Variants in TET3 observed in about 807,000 individuals in gnomAD.
The protein encoded by TET3 is tet methylcytosine dioxygenase 3.
Under a neutral mutation model 141.4 loss-of-function variants are expected in TET3, and 19 were observed. The ratio of observed to expected loss-of-function variants is 0.13; its 90% confidence interval spans 0.09 to 0.20. The LOEUF (loss-of-function observed/expected upper bound fraction) is 0.20, where lower values mean the gene tolerates loss of function less well. TET3 is among the 10% of genes least tolerant of loss of function. The pLI is 1.00. For missense variants in TET3, 1,874 were observed against 2,356.9 expected (o/e 0.80, Z 4.24); for synonymous variants, 1,043 against 980.9 (o/e 1.06, Z -1.18).
At chr2:74,027,943 T>A (rs1352569746) in intron 3 of TET3, among the ~76,000 whole-genome samples, 1 of 152,176 alleles carries the variant, frequency 6.6e-6, no homozygotes, top group Non-Finnish European at 1.5e-5. Flanking sequence ...TATATGTATA[T>A]ATGTATATGA....
chr2:74,098,739 G>T (rs571617709), intron 10 of TET3, among the ~76,000 whole-genome samples: 6 of 152,014 alleles, frequency 3.9e-5, no homozygotes, highest in African/African-American at 1.2e-4. Context: ...GATTACAGGC[G>T]CATGCCACCA....
chr2:74,108,692 G>A (rs1459226936), downstream of TET3, among the ~76,000 whole-genome samples: 1 of 152,214 alleles, frequency 6.6e-6, no homozygotes, highest in Non-Finnish European at 1.5e-5. Flanking sequence ...AATTCTGGAG[G>A]TGGCTGTTCT....
chr2:74,128,604 G>A, the TET3 span, among the ~76,000 whole-genome samples: 1 of 151,868 alleles, frequency 6.6e-6, no homozygotes, highest in Admixed American at 6.6e-5. Context: ...CTGGATGTGG[G>A]ACATATGGGA....
chr2:74,124,983 G>A, the TET3 span, among the ~76,000 whole-genome samples: 1 of 139,024 alleles, frequency 7.2e-6, no homozygotes, highest in African/African-American at 2.7e-5. Flanking sequence ...GTGCTAACAT[G>A]TATATTTAAT....
Position 74,046,242 on chromosome 2 carries a change from A to AT in TET3, c.361-29dup, listed in dbSNP as rs1379087552. The stretch of plus-strand genomic sequence containing the variant: ...AAATGCTTTTCAAATAGTGTGGTTC[A>AT]TTTTTTTCCTTTTTCCCCCTTCTCT... On this transcript the variant is annotated intron_variant, in intron 3 of 11. Transcript: ENST00000409262. The surrounding 1 kb of genome is among the most constrained non-coding windows in gnomAD (Gnocchi z 4.3). 6 of 1,467,406 alleles carry AT rather than the reference A, an allele frequency of 4.1e-6. No individual in the cohort carries two copies. The highest frequency in any genetic ancestry group is 4.5e-6 in the Non-Finnish European group (5 of 1,111,010). 90.9% of individuals were successfully genotyped at this position (1,467,406 alleles called of 1,614,324 possible). A position where few individuals can be genotyped will look rare whatever the true frequency, so the allele number is the denominator to read the frequency against.
At chr2:74,108,919 T>A (rs1691638400), downstream of TET3, among the ~76,000 whole-genome samples, 1 of 152,214 alleles carries the variant, frequency 6.6e-6, no homozygotes, top group South Asian at 2.1e-4. Flanking sequence ...GAAAATACCA[T>A]GATCATAATG....
At chr2:74,008,464 G>C (rs2105177292) in intron 3 of TET3, among the ~76,000 whole-genome samples, 1 of 152,338 alleles carries the variant, frequency 6.6e-6, no homozygotes, top group African/African-American at 2.4e-5. Context: ...CCCTGCAAGA[G>C]ACTAAAGCTC....
chr2:74,078,857 CCTT>C (rs1558774146), intron 5 of TET3, among the ~76,000 whole-genome samples: 3 of 152,142 alleles, frequency 2.0e-5, no homozygotes. Context: ...TCATCTGTCT[CCTT>C]ATGTGTTAAA....
chr2:74,118,682 CAT>C, the TET3 span, among the ~76,000 whole-genome samples: 3 of 152,054 alleles, frequency 2.0e-5, no homozygotes, highest in Non-Finnish European at 4.4e-5. Flanking sequence ...TCTGAATACA[CAT>C]ACACACACAC....
At chr2:73,984,227 T>C (rs1683883882), upstream of TET3, among the ~76,000 whole-genome samples, 1 of 152,166 alleles carries the variant, frequency 6.6e-6, no homozygotes, top group African/African-American at 2.4e-5. This position sits in a 1 kb window ranked among gnomAD's most constrained non-coding sequence, Gnocchi z 5.6. Flanking sequence ...ATCGGATTAG[T>C]CTTTGTTTTC....
At chr2:74,011,228 A>C (rs1685416079) in intron 3 of TET3, among the ~76,000 whole-genome samples, 1 of 61,206 alleles carries the variant, frequency 1.6e-5, no homozygotes, top group Non-Finnish European at 3.2e-5. Context: ...ACTCCGTTTC[A>C]AAAAAAAAAA....
rs906538832 is a variant in TET3 at position 74,101,999 on chromosome 2, C to T, written c.5211C>T (p.Ala1737=). 11 of 1,599,270 alleles carry T rather than the reference C, an allele frequency of 6.9e-6. No homozygotes were observed. In the East Asian group the frequency reaches 2.5e-4, roughly 36 times the overall value. Residue 1737 remains alanine (A), a synonymous_variant, in exon 12 of 12, where the codon GCC becomes GCT. Transcript: ENST00000409262. This position sits in a 1 kb window ranked among gnomAD's most constrained non-coding sequence, Gnocchi z 8.5. The part of the protein sequence containing the change: ...AARLGLGQQE[A]KLYGKKRKWG... Reference sequence around the variant, plus strand: ...GGCTGGGCCTGGGCCAGCAGGAGGCCAAGCTCTACGGGAAGAAGCGCAAGT... The same window carrying T: ...GGCTGGGCCTGGGCCAGCAGGAGGCTAAGCTCTACGGGAAGAAGCGCAAGT...
chr2:74,002,798 C>T lies in TET3; in HGVS notation c.304-312C>T. 1.1e-5 allele frequency: 6 copies of T among 570,040 alleles called. No homozygotes were observed. In the South Asian group the frequency reaches 1.1e-4, roughly 10 times the overall value. 35.3% of individuals were successfully genotyped at this position (570,040 alleles called of 1,614,324 possible). A position where few individuals can be genotyped will look rare whatever the true frequency, so the allele number is the denominator to read the frequency against. On this transcript the variant is annotated intron_variant, in intron 2 of 11. Transcript: ENST00000409262. The stretch of plus-strand genomic sequence containing the variant: ...GGCCGATGCACCAGAGGAGGCCGGC[C>T]GAGGTAGAGCGCGCGGGGCCGGGGA...
At chr2:74,030,801 A>G (rs1307738294) in intron 3 of TET3, among the ~76,000 whole-genome samples, 1 of 152,118 alleles carries the variant, frequency 6.6e-6, no homozygotes, top group Non-Finnish European at 1.5e-5. Context: ...TGTCCTTGTG[A>G]GAGATAAATG....
At chr2:74,049,014 G>A (rs1364238259) in intron 4 of TET3, among the ~76,000 whole-genome samples, 1 of 152,188 alleles carries the variant, frequency 6.6e-6, no homozygotes, top group Non-Finnish European at 1.5e-5. Context: ...AAAGACTTCT[G>A]GCTTATGGTG....
intron 4 of TET3, among the ~76,000 whole-genome samples, chr2:74,056,830 G>A (rs1688246203): frequency 6.6e-6 from 1 of 152,146 alleles, no homozygotes; most frequent in Non-Finnish European, 1.5e-5. Context: ...TGAATTCCAA[G>A]GTCTCTCTGC....
chr2:74,026,124 C>A (rs538921246), intron 3 of TET3, among the ~76,000 whole-genome samples: 1 of 152,180 alleles, frequency 6.6e-6, no homozygotes, highest in East Asian at 1.9e-4. Flanking sequence ...CTCTGTAATA[C>A]CAGGCCACAG....
At chr2:74,038,485 G>A (rs1404274403) in intron 3 of TET3, among the ~76,000 whole-genome samples, 1 of 152,140 alleles carries the variant, frequency 6.6e-6, no homozygotes, top group Non-Finnish European at 1.5e-5. Context: ...AGGGAAAAGG[G>A]GTTTGCACCT....
intron 6 of TET3, among the ~76,000 whole-genome samples, chr2:74,084,430 C>T (rs1344661126): frequency 6.6e-6 from 1 of 151,948 alleles, no homozygotes; most frequent in East Asian, 1.9e-4. Flanking sequence ...AGTTCAAGAC[C>T]AGCCTGGTAA....
Sources: gnomAD v4.1 joint callset for allele counts (sites outside exome capture counted in the v4.1 genomes callset) on GRCh38, gnomAD v4.1.1 for gene constraint, Gnocchi (gnomAD v3.1) non-coding constraint, MANE v1.5 for transcripts, NCBI Gene and HGNC (gene_info 2026-07-23, HGNC 2026-07-21) for gene names.